Variants in CNBD1 observed in about 807,000 individuals in gnomAD.
CNBD1 encodes the protein cyclic nucleotide-binding domain-containing protein 1.
Under a neutral mutation model 54.4 loss-of-function variants are expected in CNBD1, and 71 were observed. The ratio of observed to expected loss-of-function variants is 1.30; its 90% CI spans 1.08 to 1.59. The LOEUF (loss-of-function observed/expected upper bound fraction) is 1.59, where lower values mean the gene tolerates loss of function less well. Among genes scored for constraint, CNBD1 ranks in the 40% most tolerant of loss-of-function variants. The probability of loss-of-function intolerance (pLI) is 0.00; values close to 1 mark genes in which losing one functional copy is unlikely to be tolerated. For missense variants in CNBD1, 659 were observed against 518.0 expected, an observed-to-expected ratio of 1.27 and a Z score of -2.64; for synonymous variants, 182 against 170.7, an observed-to-expected ratio of 1.07 and a Z score of -0.51.
At chr8:87,239,744 C>G (rs1807654189) in intron 6 of CNBD1, among the ~76,000 whole-genome samples, 1 of 152,078 alleles carries the variant, frequency 6.6e-6, no homozygotes, top group African/African-American at 2.4e-5. Context: ...CTCCAAGCAT[C>G]TGCTGTTCTA....
At chr8:87,076,128 T>C (rs142890368) in intron 4 of CNBD1, among the ~76,000 whole-genome samples, 1 of 152,312 alleles carries the variant, frequency 6.6e-6, no homozygotes, top group East Asian at 1.9e-4. Flanking sequence ...TTACCACCTA[T>C]ATAAGAAAAG....
At chr8:87,082,195 A>G (rs1198382278) in intron 4 of CNBD1, among the ~76,000 whole-genome samples, 1 of 151,972 alleles carries the variant, frequency 6.6e-6, no homozygotes, top group Non-Finnish European at 1.5e-5. Context: ...ACCTTGTGAC[A>G]TTCCCCCCGG....
intron 5 of CNBD1, among the ~76,000 whole-genome samples, chr8:87,223,247 T>TTTAC (rs1814385066): frequency 6.6e-6 from 1 of 150,852 alleles, no homozygotes; most frequent in African/African-American, 2.4e-5. Flanking sequence ...TATTTATTTA[T>TTTAC]TTATTTTTTA....
At chr8:87,292,218 A>G (rs930249558) in intron 8 of CNBD1, among the ~76,000 whole-genome samples, 2 of 152,338 alleles carry the variant, frequency 1.3e-5, no homozygotes, top group Non-Finnish European at 2.9e-5. Context: ...CAATAAATCA[A>G]CCATTAATAA....
intron 10 of CNBD1, among the ~76,000 whole-genome samples, chr8:87,366,033 C>T (rs1162263101): frequency 6.6e-6 from 1 of 151,994 alleles, no homozygotes; most frequent in Non-Finnish European, 1.5e-5. Context: ...TAAATCTAGC[C>T]TGGTAAGAAG....
chr8:87,232,635 A>T lies in CNBD1; in HGVS notation c.578-4284A>T, dbSNP rs144992906. Reference sequence around the variant, plus strand: ...ACAAAATTAAAAAATAAATTTAGCTAAAAAACGTTATATAAATACTTGTCA... The same window carrying T: ...ACAAAATTAAAAAATAAATTTAGCTTAAAAACGTTATATAAATACTTGTCA... On this transcript the variant is annotated intron_variant, in intron 5 of 10. Transcript: ENST00000518476. Among the ~76,000 whole-genome samples, 144 of 152,278 alleles carry T rather than the reference A, an allele frequency of 9.5e-4. 1 individual carries two copies. The highest frequency in any genetic ancestry group is 3.3e-3 in the African/African-American group (138 of 41,574).
intron 4 of CNBD1, among the ~76,000 whole-genome samples, chr8:86,947,590 A>C (rs781551667): frequency 5.9e-5 from 9 of 152,210 alleles, no homozygotes; most frequent in African/African-American, 2.2e-4. Flanking sequence ...ATTCTTGTTA[A>C]AAGTTTCCAA....
chr8:86,953,750 C>G (rs1029106562), intron 4 of CNBD1, among the ~76,000 whole-genome samples: 10 of 152,142 alleles, frequency 6.6e-5, no homozygotes, highest in African/African-American at 2.4e-4. Flanking sequence ...GCCTGTAATC[C>G]CAGCTACTCA....
At chr8:87,192,511 C>T (rs2860204) in intron 4 of CNBD1, among the ~76,000 whole-genome samples, 75,309 of 151,944 alleles carry the variant, frequency 0.5, 19,142 homozygotes, top group Admixed American at 0.56. Flanking sequence ...TGCTCCACAA[C>T]TTATTATTCT....
chr8:86,933,127 A>G (rs976069052), intron 3 of CNBD1, among the ~76,000 whole-genome samples: 1 of 152,186 alleles, frequency 6.6e-6, no homozygotes, highest in Non-Finnish European at 1.5e-5. Context: ...CTCACTTCTT[A>G]TCATATGGAT....
chr8:87,371,483 T>A (rs1216592051), intron 10 of CNBD1, among the ~76,000 whole-genome samples: 1 of 152,004 alleles, frequency 6.6e-6, no homozygotes, highest in Non-Finnish European at 1.5e-5. Flanking sequence ...TCTAACTCAT[T>A]TTATGAGGCC....
chr8:87,226,541 T>C (rs1429269427), intron 5 of CNBD1, among the ~76,000 whole-genome samples: 3 of 147,162 alleles, frequency 2.0e-5, no homozygotes. Context: ...TTCCATGTAG[T>C]TGAGCAGTTT....
chr8:87,237,029 C>A lies in CNBD1; in HGVS notation c.688C>A (p.Gln230Lys). Reference sequence around the variant, plus strand: ...TGATTCACCAGACTCGTTCATATCTCAGAGTTTCCACAGCTTCATTTGGAG... The same window carrying A: ...TGATTCACCAGACTCGTTCATATCTAAGAGTTTCCACAGCTTCATTTGGAG... ...GSDSPDSFIS[Q>K]SFHSFIWSEE... Residue 230 changes from glutamine (Q) to lysine (K), a missense_variant, in exon 6 of 11, where the codon CAG (glutamine) becomes AAG (lysine). Transcript: ENST00000518476. The A allele has an allele frequency of 3.1e-6, 5 of 1,612,116 alleles. No individual in the cohort carries two copies. The highest frequency in any genetic ancestry group is 4.2e-6 in the Non-Finnish European group (5 of 1,178,572).
chr8:87,135,282 A>G (rs939945660), intron 4 of CNBD1, among the ~76,000 whole-genome samples: 1 of 152,012 alleles, frequency 6.6e-6, no homozygotes, highest in Non-Finnish European at 1.5e-5. Flanking sequence ...ATAAAATCAA[A>G]TATACTAAGA....
chr8:87,187,842 C>G (rs1032321613), intron 4 of CNBD1, among the ~76,000 whole-genome samples: 3 of 152,202 alleles, frequency 2.0e-5, no homozygotes, highest in Non-Finnish European at 1.5e-5. Flanking sequence ...CCATCCTCCT[C>G]TCTGTAGCCA....
chr8:87,384,281 A>G (rs920209990), downstream of CNBD1, among the ~76,000 whole-genome samples: 10 of 152,104 alleles, frequency 6.6e-5, no homozygotes, highest in Admixed American at 6.6e-4. Flanking sequence ...TGAATATTCC[A>G]TATGTGACAG....
intron 10 of CNBD1, among the ~76,000 whole-genome samples, chr8:87,374,863 A>G (rs775223840): frequency 1.3e-5 from 2 of 150,014 alleles, no homozygotes; most frequent in Non-Finnish European, 2.9e-5. Flanking sequence ...TAAGTGACAA[A>G]TAAACATTTG....
At chr8:87,342,330 C>T (rs181669717) in intron 8 of CNBD1, among the ~76,000 whole-genome samples, 1 of 151,872 alleles carries the variant, frequency 6.6e-6, no homozygotes, top group East Asian at 1.9e-4. Context: ...ATTAGTGTCT[C>T]CATGGGAGGA....
chr8:86,895,989 T>C (rs1191453529), intron 2 of CNBD1, among the ~76,000 whole-genome samples: 1 of 152,118 alleles, frequency 6.6e-6, no homozygotes, highest in Non-Finnish European at 1.5e-5. Context: ...GAGTTCTTTA[T>C]ACATTTTAAA....
Sources: allele counts gnomAD v4.1 joint callset (sites outside exome capture counted in the v4.1 genomes callset), GRCh38; gene constraint gnomAD v4.1.1; transcripts MANE v1.5; gene names NCBI Gene and HGNC (gene_info 2026-07-23, HGNC 2026-07-21).